PLOD3: variants seen among roughly 807,000 people sequenced by gnomAD.
PLOD3 encodes the protein multifunctional procollagen lysine hydroxylase and glycosyltransferase LH3.
In PLOD3, 73 loss-of-function variants were observed where a neutral mutation model predicts 96.9. That is an observed-to-expected ratio of 0.75 (90% CI 0.62 to 0.92). The LOEUF (loss-of-function observed/expected upper bound fraction) is 0.92, where lower values mean the gene tolerates loss of function less well. Ranked by LOEUF, PLOD3 falls within the 40% of genes least tolerant of loss-of-function variation. PLOD3 has a pLI of 0.00. For missense variants in PLOD3, 1,004 were observed against 1,004.3 expected (o/e 1.00, Z 0.00); for synonymous variants, 454 against 413.7 (o/e 1.10, Z -1.18).
In PLOD3 at chr7:101,210,442, G is replaced by A. The variant is rs1243546910; in HGVS notation, c.1503C>T (p.Gly501=). The A allele has an allele frequency of 7.4e-6, 12 of 1,613,980 alleles. No individual in the cohort carries two copies. Among genetic ancestry groups the A allele is most frequent in the African/African-American group, 2.7e-5 (2 of 74,932 alleles). Residue 501 remains glycine (G), a splice_region_variant and synonymous_variant, in exon 14 of 19, where the codon GGC becomes GGT. Coordinates refer to ENST00000223127, the MANE Select transcript of PLOD3 (RefSeq NM_001084.5). ...GCTGATTGCTCAGATGGAGGAAGAT[G>A]CCCTGTAGTGGGGTGGGGGTGTCCG... is the stretch of plus-strand genomic sequence containing the variant. The part of the protein sequence containing the change: ...MAFCKSFRDK[G]IFLHLSNQHE...
Position 101,210,129 on chromosome 7 carries a change from G to C in PLOD3, c.1647C>G (p.Tyr549Ter). The C allele has an allele frequency of 6.2e-7, 1 of 1,607,488 alleles. No homozygotes were observed. The highest frequency in any genetic ancestry group is 1.3e-5 in the African/African-American group (1 of 74,996). ...DWKEQYIHEN[Y>*]SRALEGEGIV... ...TTCCTTCCCCTTCCAGGGCCCGGCT[G>C]TAGTTCTCGTGGATGTACTGCTCCT... The change falls in exon 15 of 19, where the codon TAC becomes TAG. Residue 549 changes from tyrosine (Y) to a stop codon, truncating the protein, a stop_gained. Coordinates refer to ENST00000223127, the MANE Select transcript of PLOD3 (RefSeq NM_001084.5). LOFTEE classifies it high-confidence loss of function.
chr7:101,206,693 G>A, intron 18 of PLOD3, 86 bp downstream of exon 18: 1 of 1,432,316 alleles, frequency 7.0e-7, no homozygotes, highest in South Asian at 1.2e-5. Flanking sequence ...GCAGGGAGGG[G>A]AGCTGGGGGA....
Position 101,216,469 on chromosome 7 carries a change from T to C in PLOD3, c.279A>G (p.Leu93=). ...TVGGGQKVRW[L]KKEMEKYADR... ...CAGCGTATTTCTCCATTTCCTTCTT[T>C]AACCACCGGACCTTCTGTCCTCCAC... is the stretch of plus-strand genomic sequence containing the variant. Residue 93 remains leucine, a synonymous_variant, in exon 3 of 19, where the codon TTA becomes TTG. Coordinates refer to ENST00000223127, the MANE Select transcript of PLOD3 (RefSeq NM_001084.5). 1.2e-6 allele frequency: 2 copies of C among 1,614,060 alleles called. No homozygotes were observed. The highest frequency in any genetic ancestry group is 1.3e-5 in the African/African-American group (1 of 74,998).
Position 101,206,945 on chromosome 7 carries a change from G to A in PLOD3, c.1936-41C>T, listed in dbSNP as rs201126532. ...GAAGAGGCTGCAGGGACAGCTGCGG[G>A]CGCAGGGGGTCTTTTATTTTGTATT... On this transcript the variant is annotated intron_variant, in intron 17 of 18. Transcript: ENST00000223127. 8.4e-6 allele frequency: 13 copies of A among 1,547,278 alleles called. No individual in the cohort carries two copies. The Admixed American group carries it at 2.6e-4, about 31-fold the overall frequency.
Position 101,217,217 on chromosome 7 carries a change from G to A in PLOD3, c.58C>T (p.Pro20Ser). ...GGCCGGTCGGAGGCTGAGGCCGCAGGGGGCAGCAGCAGCGGCAGCAGCAGC... is the reference window on the plus strand; with the variant it reads ...GGCCGGTCGGAGGCTGAGGCCGCAGAGGGCAGCAGCAGCGGCAGCAGCAGC... ...FLLLLPLLLP[P>S]AASASDRPRG... is the part of the protein sequence containing the mutation. Residue 20 changes from proline (P) to serine (S), a missense_variant, in exon 1 of 19, where the codon CCT (proline) becomes TCT (serine). By Grantham distance (74) the Pro-to-Ser change is moderately conservative. Transcript: ENST00000223127. 1 of 1,501,144 alleles carries A rather than the reference G, an allele frequency of 6.7e-7. No homozygotes were observed. Among genetic ancestry groups the A allele is most frequent in the Non-Finnish European group, 8.9e-7 (1 of 1,127,010 alleles). 93.0% of individuals were successfully genotyped at this position (1,501,144 alleles called of 1,614,324 possible).
intron 1 of PLOD3, 94 bp downstream of exon 1, chr7:101,217,072 A>T: frequency 7.6e-7 from 1 of 1,311,202 alleles, no homozygotes; most frequent in Non-Finnish European, 1.0e-6. Context: ...GACGGGCCAG[A>T]CACCTCCTCG....
intron 18 of PLOD3, 24 bp from the exon 19 acceptor site, chr7:101,206,460 CAT>C: frequency 6.3e-7 from 1 of 1,574,904 alleles, no homozygotes; most frequent in South Asian, 1.1e-5. Context: ...GGAAAGGAAA[CAT>C]GGAGTGAGCA....
chr7:101,208,928 C>A lies in PLOD3; in HGVS notation c.1713G>T (p.Leu571=). The change falls in exon 16 of 19, where the codon CTG becomes CTT. Residue 571 remains leucine (L), a synonymous_variant. Coordinates refer to ENST00000223127, the MANE Select transcript of PLOD3 (RefSeq NM_001084.5). The stretch of plus-strand genomic sequence containing the variant: ...GCTCATCACACATTTGTTCTGACAG[C>A]AGTGGGAACCAGTACACGTCCGGGC... ...QPCPDVYWFP[L]LSEQMCDELV... is the part of the protein sequence containing the mutation. The A allele has an allele frequency of 6.2e-7, 1 of 1,613,774 alleles. No homozygotes were observed. The highest frequency in any genetic ancestry group is 8.5e-7 in the Non-Finnish European group (1 of 1,179,708).
intron 9 of PLOD3, 66 bp downstream of exon 9, chr7:101,212,464 G>T: frequency 1.9e-6 from 3 of 1,553,524 alleles, no homozygotes; most frequent in Non-Finnish European, 1.8e-6. Context: ...GGGGGTGGGG[G>T]CACGAGAGTT....
rs539554508 is a variant in PLOD3 at position 101,215,810 on chromosome 7, T to C, written c.615+98A>G. ...AGCCACCACGCCCAGGCACACATTT[T>C]TCTCTTTGCAACCCCCTTTGCTCCC... is the stretch of plus-strand genomic sequence containing the variant. On this transcript the variant is annotated intron_variant, in intron 5 of 18. Coordinates refer to ENST00000223127, the MANE Select transcript of PLOD3 (RefSeq NM_001084.5). 2.0e-5 allele frequency: 17 copies of C among 846,700 alleles called. 1 individual carries two copies. The highest frequency in any genetic ancestry group is 3.1e-4 in the Middle Eastern group (1 of 3,276). The allele number at this position is 846,700 out of a possible 1,614,324, so 52.4% of individuals were successfully genotyped here.
In PLOD3 at chr7:101,216,323, G is replaced by A. The variant is rs148914170; in HGVS notation, c.342C>T (p.Tyr114=). The change falls in exon 4 of 19, where the codon TAC becomes TAT. Residue 114 remains tyrosine (Y), a synonymous_variant. Coordinates refer to ENST00000223127, the MANE Select transcript of PLOD3 (RefSeq NM_001084.5). ...EDMIIMFVDS[Y]DVILAGSPTE... is the part of the protein sequence containing the mutation. ...TGGGGCTGCCGGCCAGAATCACGTC[G>A]TAGCTGGGTGAGGAAGGGGAGGATG... The A allele has an allele frequency of 3.3e-5, 54 of 1,613,278 alleles. No individual in the cohort carries two copies. The South Asian group carries it at 5.5e-4, about 16-fold the overall frequency.
At chr7:101,211,820 G>A (rs545154227) in intron 11 of PLOD3, 26 bp downstream of exon 11, 40 of 1,596,062 alleles carry the variant, frequency 2.5e-5, no homozygotes, top group South Asian at 1.2e-4. Context: ...GGTGCCCTCC[G>A]GCTGCGGGGA....
chr7:101,206,966 GTATTAT>G lies in PLOD3; in HGVS notation c.1936-68_1936-63del, dbSNP rs935421165. ...GCGGGCGCAGGGGGTCTTTTATTTT[GTATTAT>G]TATTATTCTTTTGAGATAGTCTCGC... On this transcript the variant is annotated intron_variant, in intron 17 of 18. Coordinates refer to ENST00000223127, the MANE Select transcript of PLOD3 (RefSeq NM_001084.5). The G allele has an allele frequency of 1.1e-5, 17 of 1,519,640 alleles. No homozygotes were observed. The African/African-American group carries it at 2.4e-4, about 21-fold the overall frequency. 94.1% of individuals were successfully genotyped at this position (1,519,640 alleles called of 1,614,324 possible).
At chr7:101,214,141 T>C (rs528267707) in intron 6 of PLOD3, among the ~76,000 whole-genome samples, 15 of 151,324 alleles carry the variant, frequency 9.9e-5, no homozygotes, top group South Asian at 4.2e-4. Flanking sequence ...CCTTTTTTTT[T>C]TTTGAGAAGG....
chr7:101,216,406 T>A lies in PLOD3; in HGVS notation c.338+4A>T. 6.2e-7 allele frequency: 1 copy of A among 1,614,096 alleles called. No homozygotes were observed. Among genetic ancestry groups the A allele is most frequent in the South Asian group, 1.1e-5 (1 of 91,084 alleles). On this transcript the variant is annotated splice_donor_region_variant and intron_variant, in intron 3 of 18. Transcript: ENST00000223127. ...ACCCCGCTCCCTATCCCCAGCCCCG[T>A]TACCTATCCACAAACATGATGATCA...
At position 101,213,210 on chromosome 7, in the gene PLOD3, G is replaced by A; in HGVS notation, c.680-6C>T. On this transcript the variant is annotated splice_polypyrimidine_tract_variant and splice_region_variant and intron_variant, in intron 6 of 18. Transcript: ENST00000223127. Reference sequence around the variant, plus strand: ...AAACTTTAAAACCACTTCATCTGGGGAAGAAAAAGGCCAGGCTTCAGACCC... The same window carrying A: ...AAACTTTAAAACCACTTCATCTGGGAAAGAAAAAGGCCAGGCTTCAGACCC... 6.3e-7 allele frequency: 1 copy of A among 1,597,298 alleles called. No individual in the cohort carries two copies. The highest frequency in any genetic ancestry group is 8.6e-7 in the Non-Finnish European group (1 of 1,164,748).
intron 12 of PLOD3, 165 bp from the exon 13 acceptor site, chr7:101,210,838 A>C: frequency 1.8e-5 from 12 of 675,378 alleles, no homozygotes; most frequent in East Asian, 2.8e-5. Flanking sequence ...ACCTCCCAAA[A>C]TGCGGTCAGT....
intron 14 of PLOD3, 39 bp from the exon 15 acceptor site, chr7:101,210,200 C>A (rs1373824844): frequency 6.5e-7 from 1 of 1,539,204 alleles, no homozygotes; most frequent in African/African-American, 1.4e-5. Flanking sequence ...CTGTGCCCCC[C>A]TCGCTCCCAG....
At chr7:101,216,933 G>A in intron 1 of PLOD3, 147 bp from the exon 2 acceptor site, 1 of 767,700 alleles carries the variant, frequency 1.3e-6, no homozygotes, top group East Asian at 2.7e-5. Flanking sequence ...TGACCCCAAG[G>A]AGGGCAGGGT....
Sources: gnomAD v4.1 joint callset for allele counts (sites outside exome capture counted in the v4.1 genomes callset) on GRCh38, gnomAD v4.1.1 for gene constraint, MANE v1.5 for transcripts, NCBI Gene and HGNC (gene_info 2026-07-23, HGNC 2026-07-21) for gene names.